CELF2: variants seen among roughly 807,000 people sequenced by gnomAD.
The protein encoded by CELF2 is CUG triplet repeat RNA-binding protein 2.
In CELF2, 8 loss-of-function variants were observed where a neutral mutation model predicts 62.6. The ratio of observed to expected loss-of-function variants is 0.13; its 90% CI spans 0.07 to 0.23. The LOEUF is 0.23. Ranked by LOEUF, CELF2 falls within the 10% of genes least tolerant of loss-of-function variation. The pLI is 1.00. For synonymous variants in CELF2, 258 were observed against 250.0 expected (o/e 1.03, Z -0.30); for missense variants, 333 against 671.0 (o/e 0.50, Z 5.56).
intron 1 of CELF2, among the ~76,000 whole-genome samples, chr10:10,866,937 A>T (rs1171929833): frequency 6.6e-6 from 1 of 151,986 alleles, no homozygotes; most frequent in Non-Finnish European, 1.5e-5. Context: ...AAAAAAAAAA[A>T]AAGTGGGGTG....
At chr10:11,040,851 A>G (rs1291866) in intron 1 of CELF2, among the ~76,000 whole-genome samples, 7,230 of 152,160 alleles carry the variant, frequency 0.048, 231 homozygotes, top group African/African-American at 0.098. Context: ...TTTTTCCATT[A>G]TTCAGGGCTG....
At chr10:11,074,714 A>T (rs555059298) in intron 1 of CELF2, among the ~76,000 whole-genome samples, 2 of 152,334 alleles carry the variant, frequency 1.3e-5, no homozygotes, top group South Asian at 2.1e-4. Context: ...AGCTGAGAGC[A>T]TGGTAACCAT....
chr10:10,821,824 A>G (rs1393432241), intron 1 of CELF2, among the ~76,000 whole-genome samples: 1 of 152,096 alleles, frequency 6.6e-6, no homozygotes, highest in Non-Finnish European at 1.5e-5. Flanking sequence ...AATTTTTTGT[A>G]GAAATGAGGT....
chr10:10,675,013 A>C, the CELF2 span, among the ~76,000 whole-genome samples: 1 of 152,214 alleles, frequency 6.6e-6, no homozygotes, highest in South Asian at 2.1e-4. Context: ...GATTTTGAAC[A>C]TACTGTTACC....
rs1447689885 is a variant in CELF2 at position 10,934,860 on chromosome 10, T to TA, written c.89+14861_89+14862insA. 4.1e-4 allele frequency: 63 copies of TA among 152,348 alleles called. No individual in the cohort carries two copies. Among genetic ancestry groups the TA allele is most frequent in the African/African-American group, 1.4e-3 (60 of 41,582 alleles). The allele number at this position is 152,348 out of a possible 1,614,324, so 9.4% of individuals were successfully genotyped here. A position where few individuals can be genotyped will look rare whatever the true frequency, so the allele number is the denominator to read the frequency against. On this transcript the variant is annotated intron_variant, in intron 2 of 13. Transcript: ENST00000636488. The surrounding 1 kb of genome is among the most constrained non-coding windows in gnomAD (Gnocchi z 4.4). Reference sequence around the variant, plus strand: ...GGGTTTTGCAGTTGTCTTATCCTGGTGACATTCCCTGCTAAATTAGACAAG... The same window carrying TA: ...GGGTTTTGCAGTTGTCTTATCCTGGTAGACATTCCCTGCTAAATTAGACAAG...
chr10:11,095,260 C>G (rs1248856893), intron 1 of CELF2, among the ~76,000 whole-genome samples: 1 of 152,172 alleles, frequency 6.6e-6, no homozygotes, highest in Admixed American at 6.5e-5. Flanking sequence ...TAACACACAT[C>G]AGCAGGCTAC....
At chr10:10,462,986 A>T in the CELF2 span, among the ~76,000 whole-genome samples, 1 of 152,134 alleles carries the variant, frequency 6.6e-6, no homozygotes, top group Non-Finnish European at 1.5e-5. Context: ...CTTGCAGACC[A>T]TAACGAGTCT....
chr10:10,963,815 A>C (rs1173451705), intron 2 of CELF2, among the ~76,000 whole-genome samples: 2 of 152,182 alleles, frequency 1.3e-5, no homozygotes, highest in African/African-American at 4.8e-5. Context: ...CAGTATGGCC[A>C]TGTTGATCCA....
intron 8 of CELF2, among the ~76,000 whole-genome samples, chr10:11,279,208 T>G (rs956884902): frequency 6.6e-6 from 1 of 152,202 alleles, no homozygotes; most frequent in Non-Finnish European, 1.5e-5. Flanking sequence ...AGGAAACTGC[T>G]TCGTTTCAAT....
Position 11,156,129 on chromosome 10 carries a change from G to A in CELF2, c.75-9357G>A, listed in dbSNP as rs954606858. ...AATAATAATGTAATGAGAACAAGAG[G>A]ATAGCCAGAATCAGGACAGTGGCTG... On this transcript the variant is annotated intron_variant, in intron 1 of 12. Transcript: ENST00000633077. This position sits in a 1 kb window ranked among gnomAD's most constrained non-coding sequence, Gnocchi z 4.3. Among the ~76,000 whole-genome samples, 2 of 152,090 alleles carry A rather than the reference G, an allele frequency of 1.3e-5. No homozygotes were observed. The highest frequency in any genetic ancestry group is 4.1e-4 in the South Asian group (2 of 4,826).
Position 11,157,453 on chromosome 10 carries a change from G to A in CELF2, c.75-8033G>A, listed in dbSNP as rs1434329169. 6.6e-6 allele frequency among the ~76,000 whole-genome samples: 1 copy of A among 152,024 alleles called. No individual in the cohort carries two copies. Among genetic ancestry groups the A allele is most frequent in the African/African-American group, 2.4e-5 (1 of 41,390 alleles). ...GCTCACAGGGATGCAGCATAGTTCA[G>A]AATGCCAAATGCCCAATCCCCTTGG... On this transcript the variant is annotated intron_variant, in intron 1 of 12. Coordinates refer to ENST00000633077, the MANE Select transcript of CELF2 (RefSeq NM_001326342.2). The surrounding 1 kb of genome is among the most constrained non-coding windows in gnomAD (Gnocchi z 4.9).
At chr10:11,086,612 T>G (rs1038868976) in intron 1 of CELF2, among the ~76,000 whole-genome samples, 2 of 40,718 alleles carry the variant, frequency 4.9e-5, no homozygotes, top group African/African-American at 1.2e-4. Context: ...AAAAAAAAAC[T>G]CCCGACAGCA....
At chr10:11,230,968 G>C (rs2068429523) in intron 3 of CELF2, among the ~76,000 whole-genome samples, 1 of 152,174 alleles carries the variant, frequency 6.6e-6, no homozygotes, top group African/African-American at 2.4e-5. Context: ...TTATTACCCT[G>C]TGTCTCTTGC....
chr10:10,669,998 G>A, the CELF2 span, among the ~76,000 whole-genome samples: 58 of 148,826 alleles, frequency 3.9e-4, no homozygotes, highest in South Asian at 4.5e-3. Flanking sequence ...TGCTTCCCAG[G>A]TTCAAGCGAT....
chr10:10,885,972 A>C (rs893820376), intron 1 of CELF2, among the ~76,000 whole-genome samples: 1 of 152,256 alleles, frequency 6.6e-6, no homozygotes, highest in African/African-American at 2.4e-5. Context: ...TCCAGGGATT[A>C]GACTGTGGAT....
At chr10:10,844,755 T>C (rs1355755599) in intron 1 of CELF2, among the ~76,000 whole-genome samples, 1 of 152,060 alleles carries the variant, frequency 6.6e-6, no homozygotes, top group Admixed American at 6.6e-5. Flanking sequence ...AGGGTTTTGA[T>C]TGGGATTAGC....
intron 1 of CELF2, among the ~76,000 whole-genome samples, chr10:11,134,254 A>G (rs1279935325): frequency 6.6e-6 from 1 of 152,226 alleles, no homozygotes; most frequent in Non-Finnish European, 1.5e-5. Context: ...GGGGCCCTGC[A>G]GGAGGAACGT....
the CELF2 span, among the ~76,000 whole-genome samples, chr10:10,494,060 T>A: frequency 6.6e-6 from 1 of 152,220 alleles, no homozygotes; most frequent in Non-Finnish European, 1.5e-5. Flanking sequence ...AAGTTTACAC[T>A]AATGTCTCTC....
the CELF2 span, among the ~76,000 whole-genome samples, chr10:10,608,584 C>T: frequency 6.6e-6 from 1 of 151,982 alleles, no homozygotes; most frequent in Admixed American, 6.6e-5. Flanking sequence ...AAACTCAATC[C>T]AGGTTGAATT....
Sources: allele counts gnomAD v4.1 joint callset (sites outside exome capture counted in the v4.1 genomes callset), GRCh38; gene constraint gnomAD v4.1.1; non-coding constraint Gnocchi (gnomAD v3.1); transcripts MANE v1.5; gene names NCBI Gene and HGNC (gene_info 2026-07-23, HGNC 2026-07-21).